The following DOCK3 variants were observed in gnomAD, a reference collection of about 807,000 sequenced individuals.
DOCK3 encodes dedicator of cytokinesis 3.
Under a neutral mutation model 265.6 loss-of-function variants are expected in DOCK3, and 60 were observed. That is an observed-to-expected ratio of 0.23 (90% confidence interval 0.18 to 0.28). The LOEUF (loss-of-function observed/expected upper bound fraction) is 0.28, where lower values mean the gene tolerates loss of function less well. DOCK3 is among the 10% of genes least tolerant of loss of function. The pLI, the probability that DOCK3 is intolerant of heterozygous loss-of-function variation, is 1.00. For synonymous variants in DOCK3, 881 were observed against 938.0 expected, an observed-to-expected ratio of 0.94 and a Z score of 1.11; for missense variants, 1,981 against 2,594.3, an observed-to-expected ratio of 0.76 and a Z score of 5.14.
At chr3:51,355,154 G>T (rs983880777) in intron 41 of DOCK3, 131 bp downstream of exon 41, 2 of 1,295,254 alleles carry the variant, frequency 1.5e-6, no homozygotes. Flanking sequence ...ACCTGAGTGT[G>T]TCCTCATTGC....
chr3:51,372,421 C>G (rs964183242), intron 49 of DOCK3, among the ~76,000 whole-genome samples: 7 of 152,204 alleles, frequency 4.6e-5, no homozygotes, highest in Non-Finnish European at 1.5e-5. Flanking sequence ...CCCTTTGTGG[C>G]CACCATAGCC....
At chr3:51,069,010 A>G (rs1051575631) in intron 6 of DOCK3, among the ~76,000 whole-genome samples, 1 of 152,190 alleles carries the variant, frequency 6.6e-6, no homozygotes, top group Non-Finnish European at 1.5e-5. Flanking sequence ...TTGGCCTAAA[A>G]TTTGAATATT....
At chr3:50,715,846 G>A (rs530935971) in intron 1 of DOCK3, among the ~76,000 whole-genome samples, 3 of 152,216 alleles carry the variant, frequency 2.0e-5, no homozygotes, top group Admixed American at 2.0e-4. Context: ...TTCATGTTAA[G>A]GAGGATATTT....
intron 9 of DOCK3, among the ~76,000 whole-genome samples, chr3:51,114,439 A>T (rs905375724): frequency 1.3e-5 from 2 of 152,182 alleles, no homozygotes; most frequent in African/African-American, 4.8e-5. Flanking sequence ...GGAATGACAC[A>T]ATGATAGGAT....
rs1553618624 is a variant in DOCK3, at chr3:51,381,396, C to A, written c.5930C>A (p.Pro1977His). ...GACCCGCCTGCGCTGCCGCCCAAGC[C>A]CTACCACCCCCGCCTGCCGGCCCTG... ...PMDPPALPPKPYHPRLPALEH... is the reference protein window; with the variant it reads ...PMDPPALPPKHYHPRLPALEH... Residue 1977 changes from proline (P) to histidine (H), a missense_variant, in exon 53 of 53, where the codon CCC becomes CAC. Pro to His is a moderately conservative substitution (Grantham distance 77). This residue lies in a region of DOCK3 where 149 missense variants were observed against 144.7 expected (regional missense o/e 1.03). Transcript: ENST00000266037. This position sits in a 1 kb window ranked among gnomAD's most constrained non-coding sequence, Gnocchi z 5.6. The A allele has an allele frequency of 6.2e-7, 1 of 1,612,514 alleles. No individual in the cohort carries two copies. Among genetic ancestry groups the A allele is most frequent in the Admixed American group, 1.7e-5 (1 of 59,978 alleles).
At chr3:51,248,851 T>A (rs2108599740) in intron 22 of DOCK3, among the ~76,000 whole-genome samples, 1 of 142,624 alleles carries the variant, frequency 7.0e-6, no homozygotes, top group Admixed American at 6.9e-5. Flanking sequence ...CGCCGCCCCG[T>A]CTGGGATGTG....
chr3:51,085,415 T>C (rs1344526667), intron 7 of DOCK3, among the ~76,000 whole-genome samples: 1 of 152,178 alleles, frequency 6.6e-6, no homozygotes, highest in Non-Finnish European at 1.5e-5. Context: ...ACAGCACATA[T>C]TAGGCCACAA....
chr3:51,050,231 AAC>A (rs1010680086), intron 5 of DOCK3, among the ~76,000 whole-genome samples: 31 of 152,082 alleles, frequency 2.0e-4, no homozygotes, highest in African/African-American at 6.7e-4. Flanking sequence ...CAAAAACAAA[AAC>A]ACAATTACCC....
chr3:51,145,583 C>T (rs975706562), intron 9 of DOCK3, among the ~76,000 whole-genome samples: 1 of 152,152 alleles, frequency 6.6e-6, no homozygotes, highest in South Asian at 2.1e-4. Flanking sequence ...CTTAAAACAT[C>T]GTGAGATTTT....
chr3:50,750,189 G>C (rs556588037), intron 1 of DOCK3, among the ~76,000 whole-genome samples: 54 of 152,198 alleles, frequency 3.5e-4, no homozygotes, highest in Non-Finnish European at 6.5e-4. Context: ...ATCTGAGGTA[G>C]GGCAATTTCA....
chr3:51,204,200 A>G (rs1427686234), intron 12 of DOCK3, among the ~76,000 whole-genome samples: 4 of 148,040 alleles, frequency 2.7e-5, no homozygotes, highest in Non-Finnish European at 6.0e-5. Context: ...CTGCACAGCA[A>G]AAGAAACTAC....
Position 51,380,089 on chromosome 3 carries a change from C to A in DOCK3, c.5501-36C>A, listed in dbSNP as rs782808444. 2.5e-6 allele frequency: 4 copies of A among 1,590,096 alleles called. No homozygotes were observed. The Admixed American group carries it at 6.8e-5, about 27-fold the overall frequency. On this transcript the variant is annotated intron_variant, in intron 51 of 52. Coordinates refer to ENST00000266037, the MANE Select transcript of DOCK3 (RefSeq NM_004947.5). ...GTGCTGGCATGAAGTCTGTGCAGGG[C>A]CCCCAGCTGAGGCTCTGGTTCTGTT... is the stretch of plus-strand genomic sequence containing the variant.
At chr3:50,940,746 C>T (rs1207060930) in intron 5 of DOCK3, among the ~76,000 whole-genome samples, 1 of 151,934 alleles carries the variant, frequency 6.6e-6, no homozygotes, top group Non-Finnish European at 1.5e-5. Context: ...TTAAAGGGAC[C>T]AAGATAGAGC....
rs376067611 is a variant in DOCK3 at position 50,846,335 on chromosome 3, A to G, written c.162+4620A>G. 2.0e-5 allele frequency among the ~76,000 whole-genome samples: 3 copies of G among 152,168 alleles called. No individual in the cohort carries two copies. The East Asian group carries it at 5.8e-4, about 29-fold the overall frequency. ...TTACAGTGAAAAAATAGAAAGAAAAACCAGCAAAGGGGAAAAGGTGTTGGG... is the reference window on the plus strand; with the variant it reads ...TTACAGTGAAAAAATAGAAAGAAAAGCCAGCAAAGGGGAAAAGGTGTTGGG... On this transcript the variant is annotated intron_variant, in intron 3 of 52. Coordinates refer to ENST00000266037, the MANE Select transcript of DOCK3 (RefSeq NM_004947.5).
intron 2 of DOCK3, among the ~76,000 whole-genome samples, chr3:50,820,044 A>G (rs565848972): frequency 1.6e-4 from 24 of 152,344 alleles, no homozygotes; most frequent in Admixed American, 3.3e-4. Context: ...AGAAAGCCTC[A>G]GTTCAGGAAC....
At chr3:51,016,620 T>C (rs1458405250) in intron 5 of DOCK3, among the ~76,000 whole-genome samples, 1 of 35,418 alleles carries the variant, frequency 2.8e-5, no homozygotes, top group East Asian at 9.9e-4. Context: ...TATATATTTA[T>C]ATATATAATA....
At chr3:50,698,193 C>A (rs539986621) in intron 1 of DOCK3, among the ~76,000 whole-genome samples, 114 of 152,164 alleles carry the variant, frequency 7.5e-4, no homozygotes, top group African/African-American at 2.6e-3. Context: ...CTCTCTCCCC[C>A]ACCCGGGCAC....
chr3:50,994,120 T>A (rs1401488489), intron 5 of DOCK3, among the ~76,000 whole-genome samples: 2 of 152,170 alleles, frequency 1.3e-5, no homozygotes, highest in Non-Finnish European at 2.9e-5. Context: ...CCTGTGAAGA[T>A]GACAAGTAGT....
chr3:50,781,379 C>T (rs371508984), intron 2 of DOCK3, among the ~76,000 whole-genome samples: 102 of 150,658 alleles, frequency 6.8e-4, no homozygotes, highest in African/African-American at 2.4e-3. Flanking sequence ...GGTGATCCCA[C>T]CTCAGCCTCC....
Sources: gnomAD v4.1 joint callset for allele counts (sites outside exome capture counted in the v4.1 genomes callset) on GRCh38, gnomAD v4.1.1 for gene constraint, gnomAD v4.1.1 regional missense constraint, Gnocchi (gnomAD v3.1) non-coding constraint, MANE v1.5 for transcripts, NCBI Gene and HGNC (gene_info 2026-07-23, HGNC 2026-07-21) for gene names.